Variants in GRIN2A observed in about 807,000 individuals in gnomAD.
GRIN2A encodes the protein glutamate receptor ionotropic, NMDA 2A.
In GRIN2A, 22 loss-of-function variants were observed where a neutral mutation model predicts 113.4. The observed-to-expected ratio is 0.19, with a 90% CI of 0.14 to 0.28. The LOEUF is 0.28. Among genes scored for constraint, GRIN2A ranks in the 10% least tolerant of loss-of-function variants. The probability of loss-of-function intolerance (pLI) is 1.00; values close to 1 mark genes in which losing one functional copy is unlikely to be tolerated. For missense variants in GRIN2A, 1,502 were observed against 1,887.0 expected, an observed-to-expected ratio of 0.80 and a Z score of 3.78; for synonymous variants, 827 against 738.4, an observed-to-expected ratio of 1.12 and a Z score of -1.94.
intron 2 of GRIN2A, among the ~76,000 whole-genome samples, chr16:9,941,663 T>A (rs772713368): frequency 6.6e-6 from 1 of 152,150 alleles, no homozygotes; most frequent in Non-Finnish European, 1.5e-5. Flanking sequence ...TTATGTGGCC[T>A]TGGATGGGGG....
chr16:10,129,824 G>A (rs1358197932), intron 2 of GRIN2A, among the ~76,000 whole-genome samples: 1 of 152,176 alleles, frequency 6.6e-6, no homozygotes, highest in African/African-American at 2.4e-5. Context: ...CTCGACCAGC[G>A]AGGTCATGCA....
At chr16:9,864,542 G>C (rs556772220) in intron 4 of GRIN2A, among the ~76,000 whole-genome samples, 3 of 152,080 alleles carry the variant, frequency 2.0e-5, no homozygotes, top group African/African-American at 7.2e-5. Flanking sequence ...AAGGAAGCAC[G>C]AGACTTCAAT....
At position 10,141,997 on chromosome 16, in the gene GRIN2A, C is replaced by T. The variant is rs1452925512; in HGVS notation, c.414+38001G>A. Among the ~76,000 whole-genome samples the T allele has an allele frequency of 2.0e-5, 3 of 152,202 alleles. No individual in the cohort carries two copies. In the South Asian group the frequency reaches 6.2e-4, roughly 32 times the overall value. On this transcript the variant is annotated intron_variant, in intron 2 of 12. Transcript: ENST00000330684. ...TGCCTCAACTTAGGAGAAGCCTCTG[C>T]CTCTCCTATCACACTCAACAGGGAT...
intron 2 of GRIN2A, chr16:10,112,795 G>A (rs1900718): frequency 0.51 from 350,270 of 681,192 alleles, 92,689 homozygotes; most frequent in Admixed American, 0.65. Context: ...ATGTACTCAG[G>A]AGAGCTCAAA....
At chr16:10,120,416 A>C (rs1353656277) in intron 2 of GRIN2A, among the ~76,000 whole-genome samples, 1 of 152,128 alleles carries the variant, frequency 6.6e-6, no homozygotes, top group Non-Finnish European at 1.5e-5. Context: ...TCCCATCCCA[A>C]CTTGACCAAT....
chr16:9,937,108 T>C (rs1263877734), intron 3 of GRIN2A, among the ~76,000 whole-genome samples: 1 of 152,092 alleles, frequency 6.6e-6, no homozygotes. Context: ...ATAAGACAAA[T>C]GATGAATTCT....
chr16:9,939,422 G>C (rs1166093029), intron 2 of GRIN2A, among the ~76,000 whole-genome samples: 1 of 152,170 alleles, frequency 6.6e-6, no homozygotes, highest in Non-Finnish European at 1.5e-5. Flanking sequence ...CAGAGCATAA[G>C]GGAGAGTCAC....
chr16:10,174,242 C>T (rs968114784), intron 2 of GRIN2A, among the ~76,000 whole-genome samples: 8 of 152,142 alleles, frequency 5.3e-5, no homozygotes, highest in Non-Finnish European at 1.0e-4. Flanking sequence ...AAAAGCAGGA[C>T]CCTATCTGTG....
rs1453109249 is a variant in GRIN2A at position 9,923,070 on chromosome 16, T to C, written c.1007+14889A>G. Among the ~76,000 whole-genome samples the C allele has an allele frequency of 5.9e-5, 9 of 152,298 alleles. No individual in the cohort carries two copies. In the South Asian group the frequency reaches 1.7e-3, roughly 28 times the overall value. ...CTCGTTCTAGCAATTATTAAGAGTA[T>C]TGAAATCTCCTACTATAATTATGAA... On this transcript the variant is annotated intron_variant, in intron 3 of 12. Coordinates refer to ENST00000330684, the MANE Select transcript of GRIN2A (RefSeq NM_001134407.3).
intron 3 of GRIN2A, among the ~76,000 whole-genome samples, chr16:9,891,794 G>A (rs913808130): frequency 6.6e-6 from 1 of 152,218 alleles, no homozygotes; most frequent in Non-Finnish European, 1.5e-5. Context: ...AGACTCTGTG[G>A]TGTGCATACC....
intron 2 of GRIN2A, among the ~76,000 whole-genome samples, chr16:10,119,873 T>C (rs559943812): frequency 6.6e-6 from 1 of 152,296 alleles, no homozygotes; most frequent in South Asian, 2.1e-4. Flanking sequence ...CTAAGGATAA[T>C]GGCCTCTGGC....
intron 3 of GRIN2A, among the ~76,000 whole-genome samples, chr16:9,926,187 T>C (rs2044460058): frequency 6.6e-6 from 1 of 152,176 alleles, no homozygotes; most frequent in Admixed American, 6.5e-5. Flanking sequence ...CACAAACAAC[T>C]CAAATTCTCA....
intron 3 of GRIN2A, among the ~76,000 whole-genome samples, chr16:9,913,845 T>A (rs1331317331): frequency 6.6e-6 from 1 of 152,216 alleles, no homozygotes; most frequent in Non-Finnish European, 1.5e-5. Flanking sequence ...GCTTAAAATG[T>A]AGAAGGCAGA....
intron 2 of GRIN2A, among the ~76,000 whole-genome samples, chr16:10,145,988 T>C (rs546712136): frequency 3.3e-5 from 5 of 152,334 alleles, no homozygotes; most frequent in African/African-American, 1.2e-4. Context: ...TTTAGAGAAA[T>C]TAATAAATTC....
chr16:10,046,998 A>G (rs2047271861), intron 2 of GRIN2A, among the ~76,000 whole-genome samples: 1 of 152,158 alleles, frequency 6.6e-6, no homozygotes, highest in Non-Finnish European at 1.5e-5. Context: ...TAGGATGTGT[A>G]GAAGCACCCC....
intron 2 of GRIN2A, among the ~76,000 whole-genome samples, chr16:10,043,987 A>G (rs1485038125): frequency 7.0e-6 from 1 of 143,484 alleles, no homozygotes; most frequent in African/African-American, 2.7e-5. Flanking sequence ...ATATATACAC[A>G]TACGTGTGTG....
chr16:10,060,706 TGA>T (rs1248000945), intron 2 of GRIN2A, among the ~76,000 whole-genome samples: 3 of 152,200 alleles, frequency 2.0e-5, no homozygotes, highest in Non-Finnish European at 4.4e-5. Flanking sequence ...ATGAGGAAAT[TGA>T]GACTCAGAAA....
rs917060274 is a variant in GRIN2A, at chr16:9,753,436, T to G, written c.*9713A>C. The G allele has an allele frequency of 1.5e-5, 3 of 194,138 alleles. No individual in the cohort carries two copies. Among genetic ancestry groups the G allele is most frequent in the Admixed American group, 1.2e-4 (2 of 16,390 alleles). The allele number at this position is 194,138 out of a possible 1,614,324, so 12.0% of individuals were successfully genotyped here. On this transcript the variant is annotated 3_prime_UTR_variant, in exon 13 of 13. Coordinates refer to ENST00000330684, the MANE Select transcript of GRIN2A (RefSeq NM_001134407.3). ...TTTTCATATCAATTGGCAGAAATTA[T>G]CTTTATTAGAAAAATGAAATTTTCC...
At chr16:10,098,703 A>G (rs147239178) in intron 2 of GRIN2A, among the ~76,000 whole-genome samples, 1,893 of 152,350 alleles carry the variant, frequency 0.012, 22 homozygotes, top group Non-Finnish European at 0.017. Context: ...AAAGTAACTC[A>G]GGAATGGAGA....
Sources: gnomAD v4.1 joint callset for allele counts (sites outside exome capture counted in the v4.1 genomes callset) on GRCh38, gnomAD v4.1.1 for gene constraint, MANE v1.5 for transcripts, NCBI Gene and HGNC (gene_info 2026-07-23, HGNC 2026-07-21) for gene names.